The following CDH13 variants were observed in gnomAD, a reference collection of about 807,000 sequenced individuals.
CDH13 encodes the protein cadherin-13.
In CDH13, 24 loss-of-function variants were observed where a neutral mutation model predicts 63.8. That is an observed-to-expected ratio of 0.38 (90% CI 0.27 to 0.53). The LOEUF (loss-of-function observed/expected upper bound fraction) is 0.53. Among genes scored for constraint, CDH13 ranks in the 20% least tolerant of loss-of-function variants. The pLI is 0.85. For missense variants in CDH13, 1,049 were observed against 903.1 expected, an observed-to-expected ratio of 1.16 and a Z score of -2.07; for synonymous variants, 503 against 355.3, an observed-to-expected ratio of 1.42 and a Z score of -4.67.
At chr16:83,652,690 T>C (rs1912498968) in intron 8 of CDH13, among the ~76,000 whole-genome samples, 2 of 152,144 alleles carry the variant, frequency 1.3e-5, no homozygotes, top group South Asian at 4.1e-4. Flanking sequence ...CCACGGTCTC[T>C]TGTATTTGAA....
chr16:82,821,996 G>A (rs2038026152), intron 1 of CDH13, among the ~76,000 whole-genome samples: 1 of 152,096 alleles, frequency 6.6e-6, no homozygotes, highest in African/African-American at 2.4e-5. Context: ...AACCAAAAGG[G>A]TCTTCCTTAG....
intron 3 of CDH13, among the ~76,000 whole-genome samples, chr16:83,042,331 C>A (rs74869022): frequency 6.6e-6 from 1 of 152,310 alleles, no homozygotes; most frequent in African/African-American, 2.4e-5. Flanking sequence ...GTAGCAGCAT[C>A]AGATTCTCAT....
chr16:82,848,949 A>T (rs1157398478), intron 1 of CDH13, among the ~76,000 whole-genome samples: 1 of 152,200 alleles, frequency 6.6e-6, no homozygotes, highest in Non-Finnish European at 1.5e-5. Context: ...AAGGAAACTA[A>T]AGGTGCTACT....
intron 8 of CDH13, among the ~76,000 whole-genome samples, chr16:83,666,388 T>C (rs1317302112): frequency 6.6e-6 from 1 of 152,222 alleles, no homozygotes; most frequent in Non-Finnish European, 1.5e-5. Context: ...AATCAGATAA[T>C]GGGCTTAACA....
rs529146861 is a variant in CDH13, at chr16:82,888,778, A to G, written c.157+30305A>G. The stretch of plus-strand genomic sequence containing the variant: ...CCTAAGTGTAGTTAAGCCCCGTGAA[A>G]TGTAAACTTCGCAAGTAAATGGACC... On this transcript the variant is annotated intron_variant, in intron 2 of 13. Coordinates refer to ENST00000567109, the MANE Select transcript of CDH13 (RefSeq NM_001257.5). Among the ~76,000 whole-genome samples the G allele has an allele frequency of 2.0e-5, 3 of 152,352 alleles. No homozygotes were observed. In the South Asian group the frequency reaches 6.2e-4, roughly 32 times the overall value.
intron 10 of CDH13, among the ~76,000 whole-genome samples, chr16:83,740,489 G>C (rs1911959489): frequency 6.6e-6 from 1 of 152,180 alleles, no homozygotes; most frequent in Non-Finnish European, 1.5e-5. Context: ...ATGTGTGGAA[G>C]GTGATGATTC....
chr16:82,935,470 A>G (rs753042535), intron 2 of CDH13, among the ~76,000 whole-genome samples: 4 of 152,218 alleles, frequency 2.6e-5, no homozygotes, highest in African/African-American at 4.8e-5. Context: ...TGGTCTCAAG[A>G]TCTGTGTGCT....
intron 6 of CDH13, among the ~76,000 whole-genome samples, chr16:83,465,671 C>T (rs2151531216): frequency 6.6e-6 from 1 of 152,290 alleles, no homozygotes; most frequent in Non-Finnish European, 1.5e-5. Context: ...GCAGACCTCC[C>T]CATCAGCTCA....
chr16:83,288,908 G>A (rs983585698), intron 5 of CDH13, among the ~76,000 whole-genome samples: 5 of 152,086 alleles, frequency 3.3e-5, no homozygotes, highest in Admixed American at 6.5e-5. Flanking sequence ...TTGAACATTC[G>A]CCTGGATTTG....
intron 3 of CDH13, among the ~76,000 whole-genome samples, chr16:83,036,907 A>C (rs1321092840): frequency 6.6e-6 from 1 of 152,182 alleles, no homozygotes; most frequent in Non-Finnish European, 1.5e-5. Context: ...TTTCTTGGCC[A>C]GAGGAAGCTG....
intron 4 of CDH13, among the ~76,000 whole-genome samples, chr16:83,165,468 G>A (rs1057422886): frequency 6.6e-6 from 1 of 152,074 alleles, no homozygotes; most frequent in African/African-American, 2.4e-5. Flanking sequence ...CTACTGAAAG[G>A]CACTCAGCAT....
At chr16:83,346,594 T>C (rs2090844731) in intron 6 of CDH13, among the ~76,000 whole-genome samples, 1 of 152,200 alleles carries the variant, frequency 6.6e-6, no homozygotes, top group African/African-American at 2.4e-5. Context: ...CACATGTCTT[T>C]GTATATTATG....
intron 8 of CDH13, among the ~76,000 whole-genome samples, chr16:83,664,111 C>A (rs1913707431): frequency 6.6e-6 from 1 of 151,798 alleles, no homozygotes; most frequent in Admixed American, 6.6e-5. Flanking sequence ...GAGCCGTGAT[C>A]ATAACACTGC....
chr16:82,699,183 T>C (rs1346487975), intron 1 of CDH13, among the ~76,000 whole-genome samples: 1 of 152,188 alleles, frequency 6.6e-6, no homozygotes, highest in Non-Finnish European at 1.5e-5. Context: ...TCCCCTTTCA[T>C]ATGGGGAGAG....
At chr16:83,768,945 G>A (rs1178270597) in intron 11 of CDH13, among the ~76,000 whole-genome samples, 1 of 152,190 alleles carries the variant, frequency 6.6e-6, no homozygotes, top group Non-Finnish European at 1.5e-5. Context: ...TGGGAATGCA[G>A]CCCAGTAGGT....
chr16:82,885,797 T>G (rs921351062), intron 2 of CDH13, among the ~76,000 whole-genome samples: 1 of 152,188 alleles, frequency 6.6e-6, no homozygotes, highest in Non-Finnish European at 1.5e-5. Context: ...TTTATGCTTC[T>G]ATGGCCTTTT....
intron 1 of CDH13, among the ~76,000 whole-genome samples, chr16:82,718,461 G>C (rs1364070441): frequency 2.6e-5 from 4 of 152,186 alleles, no homozygotes; most frequent in Admixed American, 6.5e-5. Context: ...AGCAACTGGG[G>C]TGGGGATGGT....
chr16:83,753,371 C>T (rs538564527), intron 11 of CDH13, among the ~76,000 whole-genome samples: 1 of 152,108 alleles, frequency 6.6e-6, no homozygotes, highest in Non-Finnish European at 1.5e-5. Flanking sequence ...TGGCAAAACT[C>T]CATCCCGAAA....
rs565939600 is a variant in CDH13 at position 82,684,685 on chromosome 16, G to T, written c.45+57548G>T. 7.2e-5 allele frequency among the ~76,000 whole-genome samples: 11 copies of T among 152,022 alleles called. No homozygotes were observed. The East Asian group carries it at 1.9e-3, about 27-fold the overall frequency. On this transcript the variant is annotated intron_variant, in intron 1 of 13. Coordinates refer to ENST00000567109, the MANE Select transcript of CDH13 (RefSeq NM_001257.5). ...CCATAGCATGGAACTGTTTACAATTGCTTTTGATCCTTTTTCCAAATGATT... is the reference window on the plus strand; with the variant it reads ...CCATAGCATGGAACTGTTTACAATTTCTTTTGATCCTTTTTCCAAATGATT...
Sources: allele counts gnomAD v4.1 joint callset (sites outside exome capture counted in the v4.1 genomes callset), GRCh38; gene constraint gnomAD v4.1.1; transcripts MANE v1.5; gene names NCBI Gene and HGNC (gene_info 2026-07-23, HGNC 2026-07-21).